The following COLEC12 variants were observed in gnomAD, a reference collection of about 807,000 sequenced individuals.
The protein encoded by COLEC12 is collectin-12.
In COLEC12, 33 loss-of-function variants were observed where a neutral mutation model predicts 71.1. The ratio of observed to expected loss-of-function variants is 0.46; its 90% CI spans 0.35 to 0.62. The LOEUF is 0.62. Among genes scored for constraint, COLEC12 ranks in the 20% least tolerant of loss-of-function variants. The pLI, the probability that COLEC12 is intolerant of heterozygous loss-of-function variation, is 0.00. For missense variants in COLEC12, 765 were observed against 916.1 expected (o/e 0.84, Z 2.13); for synonymous variants, 350 against 353.0 (o/e 0.99, Z 0.10).
intron 1 of COLEC12, among the ~76,000 whole-genome samples, chr18:497,386 GT>G (rs1567926732): frequency 2.3e-5 from 2 of 88,028 alleles, no homozygotes; most frequent in African/African-American, 5.5e-5. Context: ...AGAATGGGGT[GT>G]GTGTGTGTGT....
intron 2 of COLEC12, among the ~76,000 whole-genome samples, chr18:422,681 AATAC>A (rs1240904516): frequency 6.6e-6 from 1 of 151,996 alleles, no homozygotes; most frequent in African/African-American, 2.4e-5. Flanking sequence ...TTATTTACAA[AATAC>A]ATACACATAG....
At chr18:430,663 T>G (rs1465698256) in intron 2 of COLEC12, among the ~76,000 whole-genome samples, 2 of 152,226 alleles carry the variant, frequency 1.3e-5, no homozygotes, top group Non-Finnish European at 2.9e-5. Context: ...AAGTCAATTT[T>G]AATTTATTTT....
intron 2 of COLEC12, among the ~76,000 whole-genome samples, chr18:395,746 A>T (rs534178220): frequency 6.6e-6 from 1 of 152,260 alleles, no homozygotes; most frequent in East Asian, 1.9e-4. Flanking sequence ...CCATCACCCA[A>T]TGTTTCTTGT....
intron 8 of COLEC12, among the ~76,000 whole-genome samples, chr18:325,837 AG>A (rs1352727683): frequency 6.6e-6 from 1 of 151,846 alleles, no homozygotes; most frequent in African/African-American, 2.4e-5. Flanking sequence ...CTAATTTTTA[AG>A]TTTTTTGTAG....
chr18:490,315 T>C (rs1022206608), intron 1 of COLEC12, among the ~76,000 whole-genome samples: 7 of 152,234 alleles, frequency 4.6e-5, no homozygotes, highest in African/African-American at 1.4e-4. Flanking sequence ...CCAGGCTGAA[T>C]TGCAGAATTG....
intron 2 of COLEC12, among the ~76,000 whole-genome samples, chr18:385,316 ATTTTTTTTTTTTTT>A (rs139537913): frequency 1.7e-5 from 2 of 119,242 alleles, no homozygotes; most frequent in Non-Finnish European, 3.4e-5. Flanking sequence ...TTAAAATGGG[ATTTTTTTTTTTTTT>A]TTTTTTTTTT....
intron 1 of COLEC12, among the ~76,000 whole-genome samples, chr18:487,605 G>A (rs900093867): frequency 4.6e-5 from 7 of 152,080 alleles, no homozygotes; most frequent in Non-Finnish European, 8.8e-5. Flanking sequence ...AGTGGACACC[G>A]GGAACAGGAA....
intron 2 of COLEC12, among the ~76,000 whole-genome samples, chr18:442,000 TCTACACACACACACAC>T (rs752279840): frequency 0.012 from 1,404 of 116,774 alleles, 38 homozygotes; most frequent in African/African-American, 0.043. Context: ...ACTCTCTCTC[TCTACACACACACACAC>T]ACACACACAC....
At chr18:375,777 T>C (rs1042030387) in intron 2 of COLEC12, among the ~76,000 whole-genome samples, 2 of 152,212 alleles carry the variant, frequency 1.3e-5, no homozygotes, top group African/African-American at 4.8e-5. Context: ...TCTTTGTTGG[T>C]TGAACTGCCC....
At chr18:354,797 A>G (rs1346420035) in intron 3 of COLEC12, among the ~76,000 whole-genome samples, 2 of 152,160 alleles carry the variant, frequency 1.3e-5, no homozygotes, top group Non-Finnish European at 2.9e-5. Flanking sequence ...GGGGCACTGA[A>G]GGAAAGAAAA....
intron 2 of COLEC12, among the ~76,000 whole-genome samples, chr18:361,712 C>T (rs1914748142): frequency 1.3e-5 from 2 of 152,162 alleles, no homozygotes; most frequent in African/African-American, 2.4e-5. Context: ...CACAGACACG[C>T]CACATTCCAT....
chr18:331,227 C>T (rs1913972535), intron 8 of COLEC12, among the ~76,000 whole-genome samples: 1 of 152,122 alleles, frequency 6.6e-6, no homozygotes, highest in Non-Finnish European at 1.5e-5. Context: ...TCACACTCTG[C>T]CTAGAAGCCC....
At chr18:423,589 A>C (rs1916140277) in intron 2 of COLEC12, among the ~76,000 whole-genome samples, 1 of 152,170 alleles carries the variant, frequency 6.6e-6, no homozygotes, top group African/African-American at 2.4e-5. Flanking sequence ...ATCTTAAGAA[A>C]TTACTCTTTC....
chr18:495,951 G>C (rs1917704584), intron 1 of COLEC12, among the ~76,000 whole-genome samples: 1 of 152,166 alleles, frequency 6.6e-6, no homozygotes, highest in African/African-American at 2.4e-5. Context: ...GGCATGGCAG[G>C]TGCTCAATAA....
intron 2 of COLEC12, among the ~76,000 whole-genome samples, chr18:474,071 G>C (rs1917256438): frequency 6.6e-6 from 1 of 152,208 alleles, no homozygotes. Flanking sequence ...AACAGCTGCT[G>C]ATTTAGTGCA....
chr18:496,088 G>A (rs66729325), intron 1 of COLEC12, among the ~76,000 whole-genome samples: 10,113 of 152,238 alleles, frequency 0.066, 714 homozygotes, highest in African/African-American at 0.18. Context: ...TTTCCCATTT[G>A]AAAGCTAATA....
chr18:357,968 G>C (rs62087964), intron 2 of COLEC12, among the ~76,000 whole-genome samples: 100 of 152,302 alleles, frequency 6.6e-4, no homozygotes, highest in Middle Eastern at 3.4e-3. Context: ...TCTGTCTCCT[G>C]TCAGATCAGT....
chr18:317,121 G>A lies in COLEC12; in HGVS notation c.*2924C>T, dbSNP rs1268392195. On this transcript the variant is annotated 3_prime_UTR_variant, in exon 10 of 10. Coordinates refer to ENST00000400256, the MANE Select transcript of COLEC12 (RefSeq NM_130386.3). Reference sequence around the variant, plus strand: ...CACCTGTAGTCCCTAAGCTACTGCAGAGGCTGAGGCGGGAGAGTCGCTTGA... The same window carrying A: ...CACCTGTAGTCCCTAAGCTACTGCAAAGGCTGAGGCGGGAGAGTCGCTTGA... The A allele has an allele frequency of 6.6e-6, 1 of 152,272 alleles. No homozygotes were observed. Among genetic ancestry groups the A allele is most frequent in the Non-Finnish European group, 1.5e-5 (1 of 68,080 alleles). The allele number at this position is 152,272 out of a possible 1,614,324, so 9.4% of individuals were successfully genotyped here.
At chr18:467,434 T>G (rs1917109545) in intron 2 of COLEC12, among the ~76,000 whole-genome samples, 1 of 152,242 alleles carries the variant, frequency 6.6e-6, no homozygotes, top group Admixed American at 6.5e-5. Flanking sequence ...GCCATCTTCT[T>G]AAGAAGGGGC....
Sources: gnomAD v4.1 joint callset for allele counts (sites outside exome capture counted in the v4.1 genomes callset) on GRCh38, gnomAD v4.1.1 for gene constraint, MANE v1.5 for transcripts, NCBI Gene and HGNC (gene_info 2026-07-23, HGNC 2026-07-21) for gene names.